Variants in ROBO2 observed in about 807,000 individuals in gnomAD.
ROBO2 encodes roundabout homolog 2.
ROBO2 carries 53 observed loss-of-function variants against 160.8 expected under a neutral mutation model. That is an observed-to-expected ratio of 0.33 (90% CI 0.26 to 0.41). The LOEUF is 0.41. Ranked by LOEUF, ROBO2 falls within the 10% of genes least tolerant of loss-of-function variation. ROBO2 has a pLI of 1.00. For missense variants in ROBO2, 1,577 were observed against 1,722.4 expected (o/e 0.92, Z 1.49); for synonymous variants, 664 against 611.7 (o/e 1.09, Z -1.26).
chr3:77,198,437 A>G (rs944272562), intron 2 of ROBO2, among the ~76,000 whole-genome samples: 1 of 152,142 alleles, frequency 6.6e-6, no homozygotes, highest in Non-Finnish European at 1.5e-5. Flanking sequence ...TAAAGCAATG[A>G]AAGAAGGTCC....
At chr3:76,553,947 T>A (rs1296485678) in intron 2 of ROBO2, among the ~76,000 whole-genome samples, 1 of 152,224 alleles carries the variant, frequency 6.6e-6, no homozygotes, top group Non-Finnish European at 1.5e-5. Flanking sequence ...TCATTCTTCA[T>A]GCAAGAACTT....
At chr3:77,355,827 T>C (rs2069033744) in intron 2 of ROBO2, among the ~76,000 whole-genome samples, 1 of 151,670 alleles carries the variant, frequency 6.6e-6, no homozygotes. Flanking sequence ...ACTGTAAAAG[T>C]AGTGTCAGCC....
intron 2 of ROBO2, among the ~76,000 whole-genome samples, chr3:77,381,187 T>C (rs1274907001): frequency 1.3e-5 from 2 of 152,156 alleles, no homozygotes; most frequent in African/African-American, 4.8e-5. Context: ...TGGTGGCACC[T>C]GCCTGTTGTC....
intron 2 of ROBO2, among the ~76,000 whole-genome samples, chr3:76,499,593 G>T (rs1049181990): frequency 1.5e-4 from 23 of 152,166 alleles, no homozygotes; most frequent in Non-Finnish European, 2.9e-4. Flanking sequence ...TCTCTTTTGA[G>T]ATCTTTTCAA....
At position 76,710,571 on chromosome 3, in the gene ROBO2, C is replaced by T. The variant is rs575774273; in HGVS notation, c.110-387443C>T. Among the ~76,000 whole-genome samples the T allele has an allele frequency of 2.6e-5, 4 of 152,212 alleles. No homozygotes were observed. In the South Asian group the frequency reaches 8.3e-4, roughly 32 times the overall value. ...GCCTTTTGGATTTGGTTATAGAATG[C>T]CTTGGAGTTATGGAGACAGAAGTCA... On this transcript the variant is annotated intron_variant, in intron 2 of 26. Coordinates refer to the ROBO2 transcript ENST00000487694.
chr3:76,413,736 A>G (rs2075613669), intron 2 of ROBO2, among the ~76,000 whole-genome samples: 1 of 152,160 alleles, frequency 6.6e-6, no homozygotes, highest in Non-Finnish European at 1.5e-5. Context: ...GTCTCTAGGA[A>G]GTTTAAAACT....
intron 2 of ROBO2, among the ~76,000 whole-genome samples, chr3:77,397,559 A>G (rs2075396206): frequency 6.6e-6 from 1 of 152,138 alleles, no homozygotes; most frequent in Non-Finnish European, 1.5e-5. Flanking sequence ...AAAGATCCTC[A>G]GTAAGAAACC....
At chr3:76,137,583 A>C (rs967084002) in intron 2 of ROBO2, among the ~76,000 whole-genome samples, 3 of 151,994 alleles carry the variant, frequency 2.0e-5, no homozygotes, top group Non-Finnish European at 4.4e-5. Flanking sequence ...GTTCATGTAA[A>C]ATTAAATGAC....
intron 2 of ROBO2, among the ~76,000 whole-genome samples, chr3:76,614,367 A>G (rs918590203): frequency 3.3e-5 from 5 of 152,082 alleles, no homozygotes; most frequent in African/African-American, 9.7e-5. Flanking sequence ...GATGCTAATA[A>G]AAGTGTTTTT....
At chr3:75,917,468 G>A (rs1388617007) in intron 1 of ROBO2, among the ~76,000 whole-genome samples, 14 of 152,226 alleles carry the variant, frequency 9.2e-5, no homozygotes, top group African/African-American at 3.4e-4. Flanking sequence ...CCAAGTCTTT[G>A]CTATTGTAAA....
intron 2 of ROBO2, among the ~76,000 whole-genome samples, chr3:77,266,677 G>C (rs541348339): frequency 6.6e-6 from 1 of 152,132 alleles, no homozygotes; most frequent in East Asian, 1.9e-4. Context: ...TAATTCTTGC[G>C]GTGTGATCTT....
intron 2 of ROBO2, among the ~76,000 whole-genome samples, chr3:77,368,753 T>G (rs2071313022): frequency 6.6e-6 from 1 of 152,212 alleles, no homozygotes. Flanking sequence ...TACTTAAATT[T>G]GAAATGTGAA....
At chr3:77,366,516 G>A (rs1260950204) in intron 2 of ROBO2, among the ~76,000 whole-genome samples, 1 of 152,242 alleles carries the variant, frequency 6.6e-6, no homozygotes, top group Non-Finnish European at 1.5e-5. Context: ...GGATTTGCTA[G>A]CCTCTCAAAT....
At chr3:76,209,016 A>G (rs186701525) in intron 2 of ROBO2, among the ~76,000 whole-genome samples, 115 of 152,284 alleles carry the variant, frequency 7.6e-4, no homozygotes, top group Non-Finnish European at 9.4e-4. Context: ...CCCAGGAAAA[A>G]ACATGTGAAA....
At chr3:76,085,971 A>G (rs1166921583) in intron 2 of ROBO2, among the ~76,000 whole-genome samples, 1 of 152,164 alleles carries the variant, frequency 6.6e-6, no homozygotes, top group African/African-American at 2.4e-5. Flanking sequence ...CCCATTCTTA[A>G]AGACTTGTAC....
At chr3:76,422,636 T>C (rs2076042752) in intron 2 of ROBO2, among the ~76,000 whole-genome samples, 1 of 152,202 alleles carries the variant, frequency 6.6e-6, no homozygotes, top group South Asian at 2.1e-4. Context: ...TTTACTTTCA[T>C]GCATTAATCT....
intron 2 of ROBO2, among the ~76,000 whole-genome samples, chr3:76,063,744 C>T (rs56270120): frequency 0.021 from 3,129 of 152,202 alleles, 44 homozygotes; most frequent in East Asian, 0.08. Flanking sequence ...AGACTTATGG[C>T]AGAGTAAAAT....
intron 2 of ROBO2, among the ~76,000 whole-genome samples, chr3:77,401,358 C>A (rs1011752918): frequency 6.6e-6 from 1 of 151,388 alleles, no homozygotes; most frequent in East Asian, 1.9e-4. Context: ...GAATCCAAGT[C>A]TCTTCTTTAC....
At chr3:76,688,602 G>GGTGTGTGTGTGTGT (rs111250460) in intron 2 of ROBO2, among the ~76,000 whole-genome samples, 1 of 148,660 alleles carries the variant, frequency 6.7e-6, no homozygotes, top group African/African-American at 2.5e-5. Flanking sequence ...AAATTTTAGT[G>GGTGTGTGTGTGTGT]GTGTGTGTGT....
Sources: allele counts gnomAD v4.1 joint callset (sites outside exome capture counted in the v4.1 genomes callset), GRCh38; gene constraint gnomAD v4.1.1; transcripts MANE v1.5; gene names NCBI Gene and HGNC (gene_info 2026-07-23, HGNC 2026-07-21).